RIMS2: variants seen among roughly 807,000 people sequenced by gnomAD.
RIMS2 encodes regulating synaptic membrane exocytosis 2.
RIMS2 carries 59 observed loss-of-function variants against 174.4 expected under a neutral mutation model. The observed-to-expected ratio is 0.34, with a 90% CI of 0.27 to 0.42. RIMS2 has a LOEUF of 0.42. Among genes scored for constraint, RIMS2 ranks in the 10% least tolerant of loss-of-function variants. The pLI is 1.00. For missense variants in RIMS2, 1,620 were observed against 1,666.3 expected (o/e 0.97, Z 0.48); for synonymous variants, 606 against 572.5 (o/e 1.06, Z -0.84).
chr8:103,605,599 G>A (rs2095027721), intron 1 of RIMS2, among the ~76,000 whole-genome samples: 1 of 151,762 alleles, frequency 6.6e-6, no homozygotes, highest in South Asian at 2.1e-4. Context: ...TTGTACCTCT[G>A]GTAGAATTCA....
At chr8:103,715,870 T>C (rs1371858858) in intron 2 of RIMS2, among the ~76,000 whole-genome samples, 1 of 152,146 alleles carries the variant, frequency 6.6e-6, no homozygotes, top group Non-Finnish European at 1.5e-5. Context: ...CTTTTGATAG[T>C]ATATGATGAA....
At chr8:103,777,894 A>G (rs571879688) in intron 3 of RIMS2, among the ~76,000 whole-genome samples, 1 of 152,046 alleles carries the variant, frequency 6.6e-6, no homozygotes, top group Admixed American at 6.6e-5. Flanking sequence ...AACTGGGTAC[A>G]AAATTGGGTA....
At chr8:103,834,676 T>TTCTCTTTC (rs1554867207) in intron 3 of RIMS2, among the ~76,000 whole-genome samples, 2 of 120,012 alleles carry the variant, frequency 1.7e-5, no homozygotes, top group Non-Finnish European at 3.5e-5. Flanking sequence ...TCTGAGGTCT[T>TTCTCTTTC]TTTCTTTCTT....
chr8:104,173,613 ATTTTTTTTTTTTT>A (rs71297262), intron 19 of RIMS2, among the ~76,000 whole-genome samples: 6 of 54,236 alleles, frequency 1.1e-4, no homozygotes, highest in South Asian at 1.1e-3. Context: ...AGCTCTTCTG[ATTTTTTTTTTTTT>A]TTTTTTTTTT....
chr8:104,133,222 A>G (rs369463658), intron 19 of RIMS2, among the ~76,000 whole-genome samples: 2 of 152,192 alleles, frequency 1.3e-5, no homozygotes, highest in Admixed American at 6.6e-5. Flanking sequence ...AGAGCTTGAC[A>G]TTTTTGAGAA....
intron 1 of RIMS2, among the ~76,000 whole-genome samples, chr8:103,613,691 G>T (rs1043972736): frequency 2.0e-5 from 3 of 152,166 alleles, no homozygotes; most frequent in African/African-American, 7.2e-5. Flanking sequence ...AAGGCCCATG[G>T]CATACTACCT....
intron 19 of RIMS2, among the ~76,000 whole-genome samples, chr8:104,107,290 CCTTCT>C (rs1190239833): frequency 6.6e-6 from 1 of 152,064 alleles, no homozygotes; most frequent in Non-Finnish European, 1.5e-5. Flanking sequence ...CCATGACGTA[CCTTCT>C]CTTCTCTTCA....
rs537625896 is a variant in RIMS2, at chr8:104,214,332, A to G, written c.3335-30584A>G. Among the ~76,000 whole-genome samples the G allele has an allele frequency of 2.6e-5, 4 of 152,366 alleles. No individual in the cohort carries two copies. The South Asian group carries it at 8.3e-4, about 32-fold the overall frequency. ...TCACCTTATTGTGGATGTATAAATG[A>G]AGCAAATTATATGGAACCATTTTGA... On this transcript the variant is annotated intron_variant, in intron 19 of 23. Transcript: ENST00000504942.
intron 19 of RIMS2, among the ~76,000 whole-genome samples, chr8:104,024,454 C>A (rs1003539446): frequency 1.3e-5 from 2 of 152,160 alleles, no homozygotes; most frequent in Admixed American, 6.5e-5. Flanking sequence ...GACTGTTAAT[C>A]TCATGTGTTG....
chr8:104,156,148 G>A (rs79463812), intron 19 of RIMS2, among the ~76,000 whole-genome samples: 2,242 of 152,222 alleles, frequency 0.015, 47 homozygotes, highest in African/African-American at 0.049. Context: ...TAATACAAAA[G>A]TTCATTTATT....
chr8:103,912,970 G>GTTTTTTTTTT (rs1272975359), intron 6 of RIMS2, among the ~76,000 whole-genome samples: 3 of 114,876 alleles, frequency 2.6e-5, no homozygotes, highest in Non-Finnish European at 5.3e-5. Flanking sequence ...TTTTTTTGTT[G>GTTTTTTTTTT]TTTTTTTTTT....
At chr8:103,952,861 C>G (rs1395630386) in intron 14 of RIMS2, among the ~76,000 whole-genome samples, 1 of 152,018 alleles carries the variant, frequency 6.6e-6, no homozygotes, top group Admixed American at 6.5e-5. Flanking sequence ...AGCTAAGAAC[C>G]TTGAAAAAAG....
At chr8:104,010,007 T>TGGATGGACGGAC (rs2095706796) in intron 17 of RIMS2, among the ~76,000 whole-genome samples, 1 of 151,568 alleles carries the variant, frequency 6.6e-6, no homozygotes, top group Non-Finnish European at 1.5e-5. Context: ...GATGGATGGA[T>TGGATGGACGGAC]GGATGGACGG....
At chr8:103,661,614 CTGCCT>C (rs2096601472) in intron 1 of RIMS2, among the ~76,000 whole-genome samples, 1 of 152,126 alleles carries the variant, frequency 6.6e-6, no homozygotes, top group Non-Finnish European at 1.5e-5. Flanking sequence ...ATCAATTATC[CTGCCT>C]CAGCCTCCCG....
At chr8:104,052,865 G>A (rs146613013) in intron 19 of RIMS2, among the ~76,000 whole-genome samples, 4 of 152,134 alleles carry the variant, frequency 2.6e-5, no homozygotes, top group African/African-American at 7.2e-5. Flanking sequence ...AGAATAAAGC[G>A]GAAAGCTATA....
intron 12 of RIMS2, among the ~76,000 whole-genome samples, chr8:103,933,088 C>T (rs551153831): frequency 2.0e-5 from 3 of 152,096 alleles, no homozygotes; most frequent in South Asian, 2.1e-4. Flanking sequence ...GTCAGGAGAT[C>T]GAGCCCATCC....
At chr8:104,013,361 C>G in intron 17 of RIMS2, 81 bp from the exon 20 acceptor site, 1 of 1,119,786 alleles carries the variant, frequency 8.9e-7, no homozygotes, top group Non-Finnish European at 1.3e-6. Flanking sequence ...TTACCTTTTT[C>G]AAAATCAGTT....
chr8:103,997,771 A>T (rs2095192209), intron 17 of RIMS2, among the ~76,000 whole-genome samples: 1 of 151,706 alleles, frequency 6.6e-6, no homozygotes, highest in Non-Finnish European at 1.5e-5. Context: ...TTAAAAGAGA[A>T]ATAGTTACCT....
intron 3 of RIMS2, among the ~76,000 whole-genome samples, chr8:103,839,933 G>T (rs765657580): frequency 6.6e-6 from 1 of 152,036 alleles, no homozygotes; most frequent in Non-Finnish European, 1.5e-5. Context: ...TTTTAACACC[G>T]GACTGTGTTT....
Sources: gnomAD v4.1 joint callset for allele counts (sites outside exome capture counted in the v4.1 genomes callset) on GRCh38, gnomAD v4.1.1 for gene constraint, MANE v1.5 for transcripts, NCBI Gene and HGNC (gene_info 2026-07-23, HGNC 2026-07-21) for gene names.